MED13L: variants seen among roughly 807,000 people sequenced by gnomAD.
MED13L encodes mediator complex subunit 13L.
A neutral mutation model predicts 220.9 loss-of-function variants in MED13L; 7 were observed. That is an observed-to-expected ratio of 0.03 (90% CI 0.02 to 0.06). The LOEUF (loss-of-function observed/expected upper bound fraction) is 0.06. Ranked by LOEUF, MED13L falls within the 10% of genes least tolerant of loss-of-function variation. The pLI is 1.00. For missense variants in MED13L, 1,965 were observed against 2,760.5 expected, an observed-to-expected ratio of 0.71 and a Z score of 6.46; for synonymous variants, 1,011 against 1,015.2, an observed-to-expected ratio of 1.00 and a Z score of 0.08.
At chr12:116,022,648 A>G in intron 4 of MED13L, 47 bp from the exon 5 acceptor site, 1 of 1,580,540 alleles carries the variant, frequency 6.3e-7, no homozygotes, top group Non-Finnish European at 8.6e-7. Flanking sequence ...TTGGTAGGAA[A>G]GGGTGCTAGA....
chr12:116,267,251 G>C (rs1412703928), intron 1 of MED13L, among the ~76,000 whole-genome samples: 3 of 152,122 alleles, frequency 2.0e-5, no homozygotes, highest in African/African-American at 7.2e-5. Flanking sequence ...ATCATATATG[G>C]TTGTAACGAA....
chr12:116,036,115 T>G (rs975318419), intron 4 of MED13L, among the ~76,000 whole-genome samples: 2 of 152,116 alleles, frequency 1.3e-5, no homozygotes, highest in African/African-American at 4.8e-5. Flanking sequence ...CCCCAGCAAC[T>G]AGCATACTGC....
intron 4 of MED13L, among the ~76,000 whole-genome samples, chr12:116,052,103 A>G (rs1357891352): frequency 1.3e-5 from 2 of 151,996 alleles, no homozygotes; most frequent in African/African-American, 4.8e-5. Context: ...ACACACACAC[A>G]TAAAACTATA....
In MED13L at chr12:115,972,879, T is replaced by G. The variant is rs531463804; in HGVS notation, c.5732-643A>C. On this transcript the variant is annotated intron_variant, in intron 25 of 30. Transcript: ENST00000281928. ...ACCTAACTGGAGCACTGTGGAGGAT[T>G]ATGTTACTCTGAGAAGTGGAAAGCA... is the stretch of plus-strand genomic sequence containing the variant. 6.6e-5 allele frequency among the ~76,000 whole-genome samples: 10 copies of G among 152,316 alleles called. No individual in the cohort carries two copies. The East Asian group carries it at 9.7e-4, about 15-fold the overall frequency.
chr12:116,176,141 T>C (rs980029801), intron 2 of MED13L, among the ~76,000 whole-genome samples: 3 of 152,062 alleles, frequency 2.0e-5, no homozygotes, highest in African/African-American at 4.8e-5. Context: ...GAAAGAAAGC[T>C]AGACTACCTG....
At chr12:116,014,964 A>G (rs1200719891) in intron 8 of MED13L, 145 bp downstream of exon 8, 30 of 790,010 alleles carry the variant, frequency 3.8e-5, no homozygotes, top group Non-Finnish European at 6.0e-5. Flanking sequence ...TTCAAATTTT[A>G]TTCTATTAAA....
At chr12:116,044,496 G>GA (rs1881715897) in intron 4 of MED13L, among the ~76,000 whole-genome samples, 1 of 152,174 alleles carries the variant, frequency 6.6e-6, no homozygotes, top group South Asian at 2.1e-4. Flanking sequence ...GAAGAAGAGT[G>GA]AAAAAAGAGG....
chr12:116,164,615 CT>C (rs1879118008), intron 2 of MED13L, among the ~76,000 whole-genome samples: 2 of 152,144 alleles, frequency 1.3e-5, no homozygotes, highest in East Asian at 3.9e-4. Flanking sequence ...GAAGAGGACA[CT>C]AGTTTTCCAC....
At chr12:116,019,166 T>A in intron 7 of MED13L, 58 bp downstream of exon 7, 1 of 1,531,496 alleles carries the variant, frequency 6.5e-7, no homozygotes, top group Non-Finnish European at 8.9e-7. Context: ...CCATGGCAGG[T>A]AGACTATACA....
At chr12:116,068,711 A>T (rs1436630749) in intron 4 of MED13L, among the ~76,000 whole-genome samples, 2 of 152,222 alleles carry the variant, frequency 1.3e-5, no homozygotes, top group South Asian at 2.1e-4. Flanking sequence ...CAGTGTTTTA[A>T]ATTTGAACTT....
Position 116,166,537 on chromosome 12 carries a change from T to C in MED13L, c.311-55025A>G, listed in dbSNP as rs192318232. ...ACGCTGAGGCTGCAGTGAGCCAAGATTGCAATGCTGCATTCCAGCCTGGGC... is the reference window on the plus strand; with the variant it reads ...ACGCTGAGGCTGCAGTGAGCCAAGACTGCAATGCTGCATTCCAGCCTGGGC... On this transcript the variant is annotated intron_variant, in intron 2 of 30. Transcript: ENST00000281928. 4.6e-5 allele frequency among the ~76,000 whole-genome samples: 7 copies of C among 152,056 alleles called. No homozygotes were observed. The East Asian group carries it at 9.7e-4, about 21-fold the overall frequency.
intron 2 of MED13L, among the ~76,000 whole-genome samples, chr12:116,150,601 C>T (rs1435968527): frequency 1.3e-5 from 2 of 152,172 alleles, no homozygotes; most frequent in African/African-American, 4.8e-5. Context: ...CCTATACAAG[C>T]TCCTCTGACA....
intron 1 of MED13L, chr12:116,276,528 G>C (rs1168339643): frequency 7.8e-7 from 1 of 1,280,944 alleles, no homozygotes; most frequent in Non-Finnish European, 1.0e-6. Flanking sequence ...AGCTTCGGGT[G>C]CAAGAGTCCT....
intron 14 of MED13L, among the ~76,000 whole-genome samples, chr12:116,002,146 C>G (rs1878784985): frequency 6.6e-6 from 1 of 152,200 alleles, no homozygotes; most frequent in Non-Finnish European, 1.5e-5. Context: ...AACGGGCTGG[C>G]TATCATTATT....
intron 2 of MED13L, among the ~76,000 whole-genome samples, chr12:116,118,084 C>G (rs916247475): frequency 2.6e-5 from 4 of 152,158 alleles, no homozygotes; most frequent in African/African-American, 9.7e-5. Context: ...GCTGGGATTA[C>G]AGGTGTCAGC....
intron 4 of MED13L, among the ~76,000 whole-genome samples, chr12:116,039,793 C>G (rs1881413478): frequency 6.6e-6 from 1 of 151,886 alleles, no homozygotes; most frequent in Non-Finnish European, 1.5e-5. Context: ...ATTTTAGAAA[C>G]AGGGCTGACA....
At chr12:116,268,612 C>G (rs1873015154) in intron 1 of MED13L, among the ~76,000 whole-genome samples, 1 of 151,196 alleles carries the variant, frequency 6.6e-6, no homozygotes, top group South Asian at 2.1e-4. Flanking sequence ...TAGTGAGACC[C>G]TATCTCCCCT....
At position 116,106,427 on chromosome 12, in the gene MED13L, GAA is replaced by G. The variant is rs1282025106; in HGVS notation, c.395+4999_395+5000del. ...CAAAGAACAGAGTTAACGAAGAAAT[GAA>G]AGTTAGAGGAAGACAGGCTTCTGCT... On this transcript the variant is annotated intron_variant, in intron 3 of 30. Transcript: ENST00000281928. Among the ~76,000 whole-genome samples the G allele has an allele frequency of 4.7e-5, 7 of 149,830 alleles. No individual in the cohort carries two copies. In the East Asian group the frequency reaches 1.3e-3, roughly 29 times the overall value.
At chr12:116,249,999 T>G (rs1471787851) in intron 1 of MED13L, among the ~76,000 whole-genome samples, 1 of 123,072 alleles carries the variant, frequency 8.1e-6, no homozygotes, top group Middle Eastern at 5.7e-3. Context: ...TCTAAAGAGT[T>G]CAGTGAACCC....
Sources: gnomAD v4.1 joint callset for allele counts (sites outside exome capture counted in the v4.1 genomes callset) on GRCh38, gnomAD v4.1.1 for gene constraint, MANE v1.5 for transcripts, NCBI Gene and HGNC (gene_info 2026-07-23, HGNC 2026-07-21) for gene names.